The following LSP1 variants were observed in gnomAD, a reference collection of about 807,000 sequenced individuals.
The protein encoded by LSP1 is lymphocyte-specific protein 1.
In LSP1, 32 loss-of-function variants were observed where a neutral mutation model predicts 49.3. That is an observed-to-expected ratio of 0.65 (90% CI 0.49 to 0.87). The LOEUF is 0.87. LSP1 is among the 40% of genes least tolerant of loss of function. The pLI is 0.00. For missense variants in LSP1, 428 were observed against 442.6 expected (o/e 0.97, Z 0.30); for synonymous variants, 179 against 178.8 (o/e 1.00, Z -0.01).
At chr11:1,880,758 C>T (rs1848504912) in intron 2 of LSP1, 1 of 153,362 alleles carries the variant, frequency 6.5e-6, no homozygotes, top group Non-Finnish European at 1.5e-5. Context: ...CACCAAGGGC[C>T]CCAGCTATCC....
At chr11:1,879,365 A>G (rs867581532) in intron 1 of LSP1, among the ~76,000 whole-genome samples, 8 of 152,066 alleles carry the variant, frequency 5.3e-5, no homozygotes, top group African/African-American at 1.9e-4. Context: ...AACAAAAGAA[A>G]CAGCTCAGAG....
chr11:1,861,898 G>C (rs987226186), intron 1 of LSP1, among the ~76,000 whole-genome samples: 9 of 126,580 alleles, frequency 7.1e-5, no homozygotes, highest in Non-Finnish European at 1.5e-4. Flanking sequence ...TAGATGGATG[G>C]GTGAACGGAT....
chr11:1,890,475 C>T (rs150753344), intron 10 of LSP1: 211 of 717,274 alleles, frequency 2.9e-4, no homozygotes, highest in South Asian at 1.7e-3. Context: ...CTTCTGCAAA[C>T]GCAAGTTGTC....
At chr11:1,889,588 CA>C in intron 10 of LSP1, 1 of 611,718 alleles carries the variant, frequency 1.6e-6, no homozygotes, top group Non-Finnish European at 3.0e-6. Context: ...GGCTTGGGTG[CA>C]ACTTTGGGGA....
Position 1,889,628 on chromosome 11 carries a change from G to A in LSP1, c.*13+2052G>A, listed in dbSNP as rs995137762. ...GGCATGGGTGAGGGCCTGATGGTGG[G>A]GTAGGGGATGAGGCCCAGGCAGGGC... is the stretch of plus-strand genomic sequence containing the variant. On this transcript the variant is annotated intron_variant, in intron 10 of 10. Transcript: ENST00000311604. 140 of 615,310 alleles carry A rather than the reference G, an allele frequency of 2.3e-4. No homozygotes were observed. The African/African-American group carries it at 2.4e-3, about 11-fold the overall frequency. The allele number at this position is 615,310 out of a possible 1,614,324, so 38.1% of individuals were successfully genotyped here. A position where few individuals can be genotyped will look rare whatever the true frequency, so the allele number is the denominator to read the frequency against.
chr11:1,858,489 C>G (rs1847543786), intron 1 of LSP1, among the ~76,000 whole-genome samples: 2 of 152,212 alleles, frequency 1.3e-5, no homozygotes, highest in African/African-American at 4.8e-5. Context: ...TCCCAGCCCT[C>G]AGCATCTTTT....
intron 1 of LSP1, among the ~76,000 whole-genome samples, chr11:1,878,931 A>G (rs1175382956): frequency 1.3e-5 from 2 of 152,108 alleles, no homozygotes; most frequent in Non-Finnish European, 2.9e-5. Context: ...TCTGATGCCC[A>G]GGTCCAGGCC....
chr11:1,874,484 G>A (rs1008440656), intron 1 of LSP1, among the ~76,000 whole-genome samples: 4 of 152,162 alleles, frequency 2.6e-5, no homozygotes, highest in Admixed American at 2.6e-4. Flanking sequence ...TGTTCAGGGT[G>A]GGGTGGGCTC....
At chr11:1,854,266 C>T (rs1296853003) in intron 1 of LSP1, among the ~76,000 whole-genome samples, 1 of 152,044 alleles carries the variant, frequency 6.6e-6, no homozygotes, top group Non-Finnish European at 1.5e-5. Flanking sequence ...GTGTGATGCC[C>T]GCAGCCACAC....
rs1173287196 is a variant in LSP1 at position 1,890,235 on chromosome 11, G to A, written c.*14-1538G>A. On this transcript the variant is annotated intron_variant, in intron 10 of 10. Transcript: ENST00000311604. ...TGATGCCACGTGGTGGATGATGGGGGTGTGCGGGGAGCGGGGTAGGGCAGC... is the reference window on the plus strand; with the variant it reads ...TGATGCCACGTGGTGGATGATGGGGATGTGCGGGGAGCGGGGTAGGGCAGC... 9.8e-6 allele frequency: 7 copies of A among 716,580 alleles called. No homozygotes were observed. In the South Asian group the frequency reaches 1.0e-4, roughly 11 times the overall value. The allele number at this position is 716,580 out of a possible 1,614,324, so 44.4% of individuals were successfully genotyped here. A position where few individuals can be genotyped will look rare whatever the true frequency, so the allele number is the denominator to read the frequency against.
chr11:1,868,365 C>T (rs533783858), intron 1 of LSP1, among the ~76,000 whole-genome samples: 2 of 152,348 alleles, frequency 1.3e-5, no homozygotes, highest in South Asian at 2.1e-4. Context: ...CGGTGTGAGC[C>T]CCTCCATTCC....
chr11:1,867,013 G>C, intron 1 of LSP1: 1 of 1,200,510 alleles, frequency 8.3e-7, no homozygotes. Context: ...CGTGGGCCCA[G>C]GCTCAGGGCC....
At chr11:1,872,397 G>T (rs1166871638) in intron 1 of LSP1, among the ~76,000 whole-genome samples, 2 of 147,244 alleles carry the variant, frequency 1.4e-5, no homozygotes, top group African/African-American at 2.5e-5. Context: ...TTTGGGACGG[G>T]GTGTGTGTGG....
At position 1,881,583 on chromosome 11, in the gene LSP1, G is replaced by A. The variant is rs1000519442; in HGVS notation, c.343G>A (p.Glu115Lys). The change falls in exon 3 of 11, where the codon GAG (glutamate) becomes AAG (lysine). Residue 115 changes from glutamate to lysine, a missense_variant. Coordinates refer to ENST00000311604, the MANE Select transcript of LSP1 (RefSeq NM_002339.3). ...EPPQCRSPEG[E>K]QEDRPGLHAY... Reference sequence around the variant, plus strand: ...CCCCCAGTGCAGGAGTCCTGAGGGGGAGCAAGAGGACAGGTGAGTGAGGGC... The same window carrying A: ...CCCCCAGTGCAGGAGTCCTGAGGGGAAGCAAGAGGACAGGTGAGTGAGGGC... 7 of 1,490,302 alleles carry A rather than the reference G, an allele frequency of 4.7e-6. No homozygotes were observed. Among genetic ancestry groups the A allele is most frequent in the Non-Finnish European group, 6.3e-6 (7 of 1,114,466 alleles). 92.3% of individuals were successfully genotyped at this position (1,490,302 alleles called of 1,614,324 possible). A position where few individuals can be genotyped will look rare whatever the true frequency, so the allele number is the denominator to read the frequency against.
At chr11:1,891,395 G>A (rs924501328) in intron 10 of LSP1, 1 of 152,398 alleles carries the variant, frequency 6.6e-6, no homozygotes. Flanking sequence ...AGCTGCTGGA[G>A]GGGTGGGGGC....
At position 1,887,373 on chromosome 11, in the gene LSP1, G is replaced by A. The variant is rs550331521; in HGVS notation, c.930+59G>A. ...GGGTGCAGCAGGGGAGGGCAAAGAG[G>A]GACTGTCCTCTGTGCATCTGGGAGG... On this transcript the variant is annotated intron_variant, in intron 9 of 10. Transcript: ENST00000311604. 48 of 1,585,026 alleles carry A rather than the reference G, an allele frequency of 3.0e-5. No homozygotes were observed. The South Asian group carries it at 4.4e-4, about 15-fold the overall frequency.
intron 2 of LSP1, 92 bp downstream of exon 2, chr11:1,880,316 G>C: frequency 7.2e-7 from 1 of 1,394,186 alleles, no homozygotes; most frequent in Non-Finnish European, 9.4e-7. Flanking sequence ...CCTGGGCTTG[G>C]GGGTTCCAGT....
At chr11:1,867,764 G>T (rs1317405307) in intron 1 of LSP1, among the ~76,000 whole-genome samples, 1 of 152,190 alleles carries the variant, frequency 6.6e-6, no homozygotes, top group Admixed American at 6.5e-5. Flanking sequence ...ATTCAATGCA[G>T]TTTACATCCA....
intron 1 of LSP1, chr11:1,866,709 T>C: frequency 6.4e-7 from 1 of 1,550,582 alleles, no homozygotes; most frequent in Non-Finnish European, 8.7e-7. Context: ...CCAGGAGCTC[T>C]GTGGCCTGGG....
Sources: allele counts gnomAD v4.1 joint callset (sites outside exome capture counted in the v4.1 genomes callset), GRCh38; gene constraint gnomAD v4.1.1; transcripts MANE v1.5; gene names NCBI Gene and HGNC (gene_info 2026-07-23, HGNC 2026-07-21).